The following MAP4 variants were observed in gnomAD, a reference collection of about 807,000 sequenced individuals.
The protein encoded by MAP4 is microtubule-associated protein 4.
In MAP4, 76 loss-of-function variants were observed where a neutral mutation model predicts 170.2. The observed-to-expected ratio is 0.45, with a 90% CI of 0.37 to 0.54. MAP4 has a LOEUF of 0.54. Among genes scored for constraint, MAP4 ranks in the 20% least tolerant of loss-of-function variants. The probability of loss-of-function intolerance (pLI) is 0.00; values close to 1 mark genes in which losing one functional copy is unlikely to be tolerated. For synonymous variants in MAP4, 909 were observed against 994.5 expected, an observed-to-expected ratio of 0.91 and a Z score of 1.62; for missense variants, 2,506 against 2,748.0, an observed-to-expected ratio of 0.91 and a Z score of 1.97.
chr3:48,047,033 G>A (rs893240032), intron 1 of MAP4, among the ~76,000 whole-genome samples: 4 of 151,932 alleles, frequency 2.6e-5, no homozygotes, highest in Admixed American at 6.6e-5. Flanking sequence ...GGCGGAGCTT[G>A]CAGTAAGCCG....
chr3:48,025,832 G>A (rs907596669), intron 1 of MAP4, among the ~76,000 whole-genome samples: 10 of 151,178 alleles, frequency 6.6e-5, no homozygotes, highest in East Asian at 2.0e-4. Flanking sequence ...CCTGGAAGGC[G>A]GAGGTTGCAG....
chr3:48,032,656 C>A (rs1315643072), intron 1 of MAP4, among the ~76,000 whole-genome samples: 1 of 152,094 alleles, frequency 6.6e-6, no homozygotes, highest in African/African-American at 2.4e-5. Flanking sequence ...CAGAGAAAGA[C>A]TCCTTCTCAA....
At chr3:48,076,372 G>A (rs919981403) in intron 1 of MAP4, among the ~76,000 whole-genome samples, 2 of 151,840 alleles carry the variant, frequency 1.3e-5, no homozygotes, top group Non-Finnish European at 2.9e-5. Context: ...CATGGTGGTG[G>A]GCACCTGTAG....
rs1226773837 is a variant in MAP4, at chr3:47,911,335, C to T, written c.3086G>A (p.Ser1029Asn). ...EAFPNERQEI[S>N]IFTSEQLQGQ... ...CTGCAGCTGCTCAGAAGTAAAGATG[C>T]TGATCTCTTGTCTTTCGTTGGGAAA... The change falls in exon 9 of 21, where the codon AGC becomes AAC. Residue 1029 changes from serine (S) to asparagine (N), a missense_variant. By Grantham distance (46) the Ser-to-Asn change is conservative. Coordinates refer to ENST00000683076, the MANE Select transcript of MAP4 (RefSeq NM_001385682.1). The surrounding 1 kb of genome is among the most constrained non-coding windows in gnomAD (Gnocchi z 4.0). The T allele has an allele frequency of 2.6e-6, 4 of 1,535,978 alleles. No homozygotes were observed. Among genetic ancestry groups the T allele is most frequent in the African/African-American group, 2.7e-5 (2 of 73,034 alleles).
At chr3:47,974,667 C>T in intron 3 of MAP4, 1 of 953,034 alleles carries the variant, frequency 1.0e-6, no homozygotes, top group Non-Finnish European at 1.2e-6. Context: ...GTACTAATCT[C>T]AACTGGTTCT....
intron 10 of MAP4, among the ~76,000 whole-genome samples, chr3:47,894,365 G>A (rs1193740380): frequency 2.6e-5 from 4 of 151,722 alleles, no homozygotes; most frequent in Non-Finnish European, 5.9e-5. Flanking sequence ...GGTGGATCAC[G>A]AGGTCAGGAG....
At chr3:47,987,962 C>T (rs911037606) in intron 2 of MAP4, among the ~76,000 whole-genome samples, 1 of 151,892 alleles carries the variant, frequency 6.6e-6, no homozygotes, top group African/African-American at 2.4e-5. Flanking sequence ...TGGGAGGCTA[C>T]GGTGGGCGGA....
intron 10 of MAP4, chr3:47,891,955 C>G (rs1451083003): frequency 1.3e-6 from 2 of 1,536,218 alleles, no homozygotes; most frequent in Non-Finnish European, 1.7e-6. Context: ...CACTGGTTTC[C>G]TGCTCCTTAA....
intron 1 of MAP4, among the ~76,000 whole-genome samples, chr3:48,030,945 G>T (rs2100115791): frequency 6.6e-6 from 1 of 151,350 alleles, no homozygotes; most frequent in African/African-American, 2.4e-5. Flanking sequence ...CTTCAGTGAA[G>T]AATTCCAAAC....
chr3:47,944,940 A>G (rs2100058794), intron 3 of MAP4, among the ~76,000 whole-genome samples: 1 of 151,280 alleles, frequency 6.6e-6, no homozygotes, highest in African/African-American at 2.4e-5. Flanking sequence ...TTATGCTCTA[A>G]AAAGGAACCT....
At chr3:47,945,079 G>A (rs986292292) in intron 3 of MAP4, among the ~76,000 whole-genome samples, 4 of 151,622 alleles carry the variant, frequency 2.6e-5, no homozygotes, top group Non-Finnish European at 5.9e-5. Flanking sequence ...CTGGCCAGGC[G>A]CGGTGGCTCA....
intron 15 of MAP4, 132 bp from the exon 16 acceptor site, chr3:47,869,459 T>C: frequency 3.1e-6 from 2 of 644,884 alleles, no homozygotes; most frequent in Non-Finnish European, 5.6e-6. Context: ...CCTTTGATCC[T>C]AGGCAAAACC....
intron 2 of MAP4, among the ~76,000 whole-genome samples, chr3:47,996,737 GACACACACACACAC>G (rs57673370): frequency 8.2e-5 from 12 of 146,544 alleles, no homozygotes; most frequent in East Asian, 4.0e-4. Flanking sequence ...CAAAAACTAA[GACACACACACACAC>G]ACACACACAC....
At position 47,872,994 on chromosome 3, in the gene MAP4, T is replaced by G. The variant is rs1157629422; in HGVS notation, c.5758-894A>C. On this transcript the variant is annotated intron_variant, in intron 12 of 20. Coordinates refer to ENST00000683076, the MANE Select transcript of MAP4 (RefSeq NM_001385682.1). Reference sequence around the variant, plus strand: ...AAATCTGGGACAGAAGCGTGAGCTGTAGCCCTACTCCAGCAAATCACTGAG... The same window carrying G: ...AAATCTGGGACAGAAGCGTGAGCTGGAGCCCTACTCCAGCAAATCACTGAG... Among the ~76,000 whole-genome samples, 5 of 152,172 alleles carry G rather than the reference T, an allele frequency of 3.3e-5. No homozygotes were observed. In the East Asian group the frequency reaches 9.6e-4, roughly 29 times the overall value.
chr3:48,077,702 T>C (rs776102073), intron 1 of MAP4, among the ~76,000 whole-genome samples: 8 of 152,066 alleles, frequency 5.3e-5, no homozygotes, highest in Non-Finnish European at 8.8e-5. Context: ...TCCTTCTAGG[T>C]ATTTAGACAA....
At chr3:47,874,163 T>C (rs2094461077) in intron 12 of MAP4, among the ~76,000 whole-genome samples, 1 of 152,128 alleles carries the variant, frequency 6.6e-6, no homozygotes, top group African/African-American at 2.4e-5. Flanking sequence ...TATTTCCTCA[T>C]CTGGATAAAA....
At chr3:47,894,339 T>C (rs2100025647) in intron 10 of MAP4, among the ~76,000 whole-genome samples, 1 of 152,142 alleles carries the variant, frequency 6.6e-6, no homozygotes, top group Non-Finnish European at 1.5e-5. Flanking sequence ...TCCCAGCACT[T>C]TGGGAGCCCA....
intron 1 of MAP4, among the ~76,000 whole-genome samples, chr3:48,056,825 C>A (rs1322547149): frequency 1.1e-5 from 1 of 95,120 alleles, no homozygotes; most frequent in Non-Finnish European, 2.1e-5. Flanking sequence ...CCAGCCGACC[C>A]GTCCGGGAGG....
At chr3:47,989,806 A>G (rs77480527) in intron 2 of MAP4, among the ~76,000 whole-genome samples, 1,878 of 152,314 alleles carry the variant, frequency 0.012, 43 homozygotes, top group African/African-American at 0.043. Context: ...AAGATGCTAT[A>G]ATGTGTTTTC....
Sources: gnomAD v4.1 joint callset for allele counts (sites outside exome capture counted in the v4.1 genomes callset) on GRCh38, gnomAD v4.1.1 for gene constraint, Gnocchi (gnomAD v3.1) non-coding constraint, MANE v1.5 for transcripts, NCBI Gene and HGNC (gene_info 2026-07-23, HGNC 2026-07-21) for gene names.